DLGAP1: variants seen among roughly 807,000 people sequenced by gnomAD.
DLGAP1 encodes disks large-associated protein 1.
In DLGAP1, 11 loss-of-function variants were observed where a neutral mutation model predicts 90.8. The observed-to-expected ratio is 0.12, with a 90% CI of 0.08 to 0.20. DLGAP1 has a LOEUF of 0.20. DLGAP1 is among the 10% of genes least tolerant of loss of function. The probability of loss-of-function intolerance (pLI) is 1.00; values close to 1 mark genes in which losing one functional copy is unlikely to be tolerated. For missense variants in DLGAP1, 1,050 were observed against 1,333.8 expected (o/e 0.79, Z 3.31); for synonymous variants, 558 against 540.7 (o/e 1.03, Z -0.44).
chr18:4,118,057 T>C (rs1818012582), intron 2 of DLGAP1, among the ~76,000 whole-genome samples: 1 of 152,152 alleles, frequency 6.6e-6, no homozygotes, highest in South Asian at 2.1e-4. Context: ...GGTCTTTCCA[T>C]TGTACCCTGT....
intron 7 of DLGAP1, chr18:3,721,816 C>T (rs1250333145): frequency 1.3e-5 from 2 of 152,102 alleles, no homozygotes; most frequent in East Asian, 3.8e-4. Context: ...AGCTGTGTGG[C>T]CTGGTCAAGT....
intron 1 of DLGAP1, among the ~76,000 whole-genome samples, chr18:4,361,303 A>G (rs138871369): frequency 6.6e-6 from 1 of 152,322 alleles, no homozygotes; most frequent in Non-Finnish European, 1.5e-5. Flanking sequence ...AATAGCCAAA[A>G]CAGTACCTAA....
chr18:4,391,252 G>A (rs779275068), intron 1 of DLGAP1, among the ~76,000 whole-genome samples: 4 of 152,046 alleles, frequency 2.6e-5, no homozygotes, highest in Non-Finnish European at 5.9e-5. Context: ...AAACTCAACC[G>A]GGTCACTTTT....
At chr18:4,185,932 A>C (rs544738558) in intron 1 of DLGAP1, among the ~76,000 whole-genome samples, 1 of 152,098 alleles carries the variant, frequency 6.6e-6, no homozygotes, top group Non-Finnish European at 1.5e-5. Context: ...TTTCTCTGCA[A>C]CCTCGCCAGC....
intron 3 of DLGAP1, among the ~76,000 whole-genome samples, chr18:3,892,672 C>T (rs28609493): frequency 0.045 from 6,824 of 151,948 alleles, 549 homozygotes; most frequent in African/African-American, 0.16. Flanking sequence ...TGGTACATGT[C>T]GCATATATAA....
chr18:4,166,036 G>A (rs1157351814), intron 1 of DLGAP1, among the ~76,000 whole-genome samples: 3 of 151,998 alleles, frequency 2.0e-5, no homozygotes, highest in Non-Finnish European at 4.4e-5. Flanking sequence ...GCATGTGCCT[G>A]CAGTACTAGC....
intron 1 of DLGAP1, among the ~76,000 whole-genome samples, chr18:4,267,678 A>T (rs1468192087): frequency 6.6e-6 from 1 of 152,194 alleles, no homozygotes; most frequent in African/African-American, 2.4e-5. Context: ...GGAGCAGTTT[A>T]GTTGGGTGGT....
At chr18:3,845,388 G>T in intron 4 of DLGAP1, 1 of 1,435,702 alleles carries the variant, frequency 7.0e-7, no homozygotes, top group East Asian at 2.5e-5. Flanking sequence ...CACAGGACTT[G>T]GGGGTGGGGG....
chr18:3,937,959 C>T (rs2072679408), intron 3 of DLGAP1, among the ~76,000 whole-genome samples: 1 of 152,198 alleles, frequency 6.6e-6, no homozygotes, highest in Non-Finnish European at 1.5e-5. Flanking sequence ...ATAGGCCATA[C>T]TTACAGGGCT....
rs1299518613 is a variant in DLGAP1 at position 3,775,462 on chromosome 18, A to G, written c.1173-32950T>C. 6.6e-6 allele frequency among the ~76,000 whole-genome samples: 1 copy of G among 152,166 alleles called. No individual in the cohort carries two copies. The highest frequency in any genetic ancestry group is 1.9e-4 in the East Asian group (1 of 5,188). ...CTTCATTCTTTCTTCCTACTGCTCC[A>G]GCAATGTAGGACATGCCTGCTTCCC... is the stretch of plus-strand genomic sequence containing the variant. On this transcript the variant is annotated intron_variant, in intron 5 of 12. Transcript: ENST00000315677. The surrounding 1 kb of genome is among the most constrained non-coding windows in gnomAD (Gnocchi z 4.9).
intron 7 of DLGAP1, among the ~76,000 whole-genome samples, chr18:3,703,348 C>T (rs1190229711): frequency 1.3e-5 from 2 of 152,148 alleles, no homozygotes; most frequent in Non-Finnish European, 2.9e-5. Flanking sequence ...CATGCATAGG[C>T]TGGAGAAATT....
chr18:4,010,033 T>C (rs1266581302), intron 2 of DLGAP1, among the ~76,000 whole-genome samples: 10 of 152,252 alleles, frequency 6.6e-5, no homozygotes, highest in Admixed American at 6.5e-4. Flanking sequence ...CTTGAGCATA[T>C]CTGTGATCCA....
rs1323076034 is a variant in DLGAP1 at position 3,496,755 on chromosome 18, C to A, written c.*2430G>T. ...AATGTCAGTTTCAGGGGTCAAGCAG[C>A]ATTGTGTGGGGTCATGTTCTAACAC... is the stretch of plus-strand genomic sequence containing the variant. On this transcript the variant is annotated 3_prime_UTR_variant, in exon 13 of 13. Transcript: ENST00000315677. 1 of 152,122 alleles carries A rather than the reference C, an allele frequency of 6.6e-6. No homozygotes were observed. Among genetic ancestry groups the A allele is most frequent in the Non-Finnish European group, 1.5e-5 (1 of 68,026 alleles). 9.4% of individuals were successfully genotyped at this position (152,122 alleles called of 1,614,324 possible). A position where few individuals can be genotyped will look rare whatever the true frequency, so the allele number is the denominator to read the frequency against.
intron 1 of DLGAP1, among the ~76,000 whole-genome samples, chr18:4,181,379 T>C (rs1022476202): frequency 6.6e-6 from 1 of 152,140 alleles, no homozygotes; most frequent in Non-Finnish European, 1.5e-5. Context: ...TGATAAGACA[T>C]GGACTAACAA....
In DLGAP1 at chr18:3,879,690, C is replaced by T. The variant is rs779939084; in HGVS notation, c.379G>A (p.Ala127Thr). The change falls in exon 4 of 13, where the codon GCC (alanine) becomes ACC (threonine). Residue 127 changes from alanine (A) to threonine (T), a missense_variant. Coordinates refer to ENST00000315677, the MANE Select transcript of DLGAP1 (RefSeq NM_004746.4). The surrounding 1 kb of genome is among the most constrained non-coding windows in gnomAD (Gnocchi z 6.6). ...GYHTLQYKRT[A>T]VEHRSDSPGR... Reference sequence around the variant, plus strand: ...GGGCTGTCGCTGCGGTGCTCCACGGCCGTGCGCTTGTACTGCAGGGTGTGA... The same window carrying T: ...GGGCTGTCGCTGCGGTGCTCCACGGTCGTGCGCTTGTACTGCAGGGTGTGA... 1 of 1,607,690 alleles carries T rather than the reference C, an allele frequency of 6.2e-7. No homozygotes were observed. The highest frequency in any genetic ancestry group is 1.7e-5 in the Admixed American group (1 of 60,004).
chr18:4,320,576 T>G (rs2080658282), intron 1 of DLGAP1, among the ~76,000 whole-genome samples: 1 of 152,158 alleles, frequency 6.6e-6, no homozygotes, highest in Non-Finnish European at 1.5e-5. Context: ...ATAATCAATG[T>G]GCCTGAGTCC....
chr18:3,599,648 TCTCA>T (rs749791666), intron 7 of DLGAP1, among the ~76,000 whole-genome samples: 35 of 152,174 alleles, frequency 2.3e-4, no homozygotes, highest in Non-Finnish European at 2.9e-4. Flanking sequence ...TTTGAGACAG[TCTCA>T]CTCTGTTGTC....
At chr18:4,412,355 G>A (rs1390969264) in intron 1 of DLGAP1, among the ~76,000 whole-genome samples, 2 of 152,194 alleles carry the variant, frequency 1.3e-5, no homozygotes, top group Non-Finnish European at 2.9e-5. Context: ...GCATAAACAT[G>A]ATGCAGAGGG....
intron 3 of DLGAP1, among the ~76,000 whole-genome samples, chr18:3,921,070 T>A (rs889068877): frequency 6.6e-6 from 1 of 152,332 alleles, no homozygotes; most frequent in Admixed American, 6.5e-5. Flanking sequence ...TAATGTAACT[T>A]GGAATGATTC....
Sources: gnomAD v4.1 joint callset for allele counts (sites outside exome capture counted in the v4.1 genomes callset) on GRCh38, gnomAD v4.1.1 for gene constraint, Gnocchi (gnomAD v3.1) non-coding constraint, MANE v1.5 for transcripts, NCBI Gene and HGNC (gene_info 2026-07-23, HGNC 2026-07-21) for gene names.